Variants in GPKOW observed in about 807,000 individuals in gnomAD.
GPKOW encodes the protein G-patch domain and KOW motifs-containing protein.
For missense variants in GPKOW, 359 were observed against 404.7 expected, an observed-to-expected ratio of 0.89 and a Z score of 0.97; for synonymous variants, 167 against 159.1, an observed-to-expected ratio of 1.05 and a Z score of -0.37.
At chrX:49,121,608 AAGAC>A (rs1314351686) in intron 3 of GPKOW, among the ~76,000 whole-genome samples, 2 of 110,513 alleles carry the variant, frequency 1.8e-5, no homozygotes, top group African/African-American at 6.6e-5. Flanking sequence ...GTGGGTATGA[AAGAC>A]AGACTTGGTT....
rs1557091444 is a variant in GPKOW, at chrX:49,123,607, G to A, written c.116C>T (p.Ala39Val). Residue 39 changes from alanine to valine, a missense_variant, in exon 1 of 11, where the codon GCG (alanine) becomes GTG (valine). Physicochemically the swap from Ala to Val is moderately conservative, Grantham distance 64. Coordinates refer to ENST00000156109, the MANE Select transcript of GPKOW (RefSeq NM_015698.6). ...ATCCTTCTCCTCCGGAGATGGCCCC[G>A]CGCCGTCTCCCGAGTCGGCCAGCCG... The part of the protein sequence containing the change: ...RRRLADSGDG[A>V]GPSPEEKDFL... The A allele has an allele frequency of 2.5e-6, 3 of 1,207,806 alleles. No individual in the cohort carries two copies. The highest frequency in any genetic ancestry group is 4.4e-5 in the Admixed American group (2 of 45,666).
At position 49,117,260 on chromosome X, in the gene GPKOW, CCT is replaced by C. The variant is rs1302352278; in HGVS notation, c.781-100_781-99del. 4 of 887,300 alleles carry C rather than the reference CCT, an allele frequency of 4.5e-6. No individual in the cohort carries two copies. The African/African-American group carries it at 5.9e-5, about 13-fold the overall frequency. 73.1% of individuals were successfully genotyped at this position (887,300 alleles called of 1,213,427 possible). A position where few individuals can be genotyped will look rare whatever the true frequency, so the allele number is the denominator to read the frequency against. On this transcript the variant is annotated intron_variant, in intron 5 of 10. Coordinates refer to ENST00000156109, the MANE Select transcript of GPKOW (RefSeq NM_015698.6). Reference sequence around the variant, plus strand: ...CCCCTTACCTCTAAGAGGCCTGCTTCCTCTGTCTCCCCAACCAGACTCTGACC... The same window carrying C: ...CCCCTTACCTCTAAGAGGCCTGCTTCCTGTCTCCCCAACCAGACTCTGACC...
intron 9 of GPKOW, among the ~76,000 whole-genome samples, 199 bp from the exon 10 acceptor site, chrX:49,114,137 A>G (rs1397113807): frequency 9.1e-6 from 1 of 109,990 alleles, no homozygotes; most frequent in African/African-American, 3.3e-5. Flanking sequence ...ATCTCTACAG[A>G]TTTTTTTGTT....
rs1363439724 is a variant in GPKOW, at chrX:49,116,778, T to C, written c.913+252A>G. On this transcript the variant is annotated intron_variant, in intron 6 of 10. Transcript: ENST00000156109. ...TGGACAAAGATCTCGAAGGTAGGAA[T>C]TGGTTTCTGCACCTGTTTCTTCTCA... Among the ~76,000 whole-genome samples the C allele has an allele frequency of 1.9e-4, 21 of 111,941 alleles. No individual in the cohort carries two copies. The Admixed American group carries it at 2.0e-3, about 11-fold the overall frequency.
intron 5 of GPKOW, 55 bp downstream of exon 5, chrX:49,117,542 G>T: frequency 1.1e-6 from 1 of 892,289 alleles, no homozygotes; most frequent in Non-Finnish European, 1.6e-6. Context: ...TCTGACCCTC[G>T]GATCAACCTT....
intron 9 of GPKOW, among the ~76,000 whole-genome samples, chrX:49,114,709 G>A (rs1569524412): frequency 1.9e-5 from 2 of 104,382 alleles, no homozygotes; most frequent in African/African-American, 3.5e-5. Flanking sequence ...GGAGGATCAC[G>A]AGGTAAGGGG....
intron 4 of GPKOW, among the ~76,000 whole-genome samples, chrX:49,118,888 GTCTACGCTTTC>G (rs1361747769): frequency 9.2e-6 from 1 of 108,550 alleles, no homozygotes; most frequent in Non-Finnish European, 1.9e-5. Context: ...CAAATGTTTA[GTCTACGCTTTC>G]TTGGGGTCAG....
At chrX:49,121,594 G>A (rs781887276) in intron 3 of GPKOW, among the ~76,000 whole-genome samples, 278 of 110,574 alleles carry the variant, frequency 2.5e-3, no homozygotes, top group Non-Finnish European at 4.1e-3. Context: ...GAAAAGTCAG[G>A]TCTGTGGGTA....
chrX:49,123,705 C>T lies in GPKOW; in HGVS notation c.18G>A (p.Glu6=). 8.3e-7 allele frequency: 1 copy of T among 1,203,414 alleles called. No individual in the cohort carries two copies. The highest frequency in any genetic ancestry group is 1.1e-6 in the Non-Finnish European group (1 of 891,332). Residue 6 remains glutamate, a synonymous_variant, in exon 1 of 11, where the codon GAG becomes GAA. Transcript: ENST00000156109. MADSK[E]GVLPLTAAST... Reference sequence around the variant, plus strand: ...AAGCAGCCGTCAGCGGCAAAACACCCTCTTTGGAGTCAGCCATCTTGCTCC... The same window carrying T: ...AAGCAGCCGTCAGCGGCAAAACACCTTCTTTGGAGTCAGCCATCTTGCTCC...
Position 49,122,662 on chromosome X carries a change from C to T in GPKOW, c.291G>A (p.Ala97=), listed in dbSNP as rs142314456. ...TCACAGCCTGGGACACCACCCCATC[C>T]GCCAAGGCCCCAGTATCTGTGGATG... is the stretch of plus-strand genomic sequence containing the variant. ...PGPSTDTGAL[A]DGVVSQAVKE... Residue 97 remains alanine (A), a synonymous_variant, in exon 2 of 11, where the codon GCG becomes GCA. Transcript: ENST00000156109. 3.6e-4 allele frequency: 432 copies of T among 1,210,127 alleles called. No homozygotes were observed. Among genetic ancestry groups the T allele is most frequent in the Non-Finnish European group, 4.5e-4 (405 of 894,705 alleles).
chrX:49,113,469 C>T lies in GPKOW; in HGVS notation c.*152G>A. 1 of 512,257 alleles carries T rather than the reference C, an allele frequency of 2.0e-6. No individual in the cohort carries two copies. The highest frequency in any genetic ancestry group is 3.7e-5 in the Admixed American group (1 of 27,381). 42.2% of individuals were successfully genotyped at this position (512,257 alleles called of 1,213,427 possible). A position where few individuals can be genotyped will look rare whatever the true frequency, so the allele number is the denominator to read the frequency against. ...AAATATTGGGTTTGTTTCTAGCTTC[C>T]CTACTGGTTCACCCATCCCTTTCCC... On this transcript the variant is annotated 3_prime_UTR_variant, in exon 11 of 11. Coordinates refer to ENST00000156109, the MANE Select transcript of GPKOW (RefSeq NM_015698.6).
Position 49,115,737 on chromosome X carries a change from C to T in GPKOW, c.1199G>A (p.Arg400Gln), listed in dbSNP as rs1464106383. 1.3e-5 allele frequency: 16 copies of T among 1,203,883 alleles called. No individual in the cohort carries two copies. Among genetic ancestry groups the T allele is most frequent in the African/African-American group, 1.2e-4 (7 of 56,948 alleles). The change falls in exon 9 of 11, where the codon CGA (arginine) becomes CAA (glutamine). Residue 400 changes from arginine (R) to glutamine (Q), a missense_variant. Arg to Gln is a conservative substitution (Grantham distance 43). Coordinates refer to ENST00000156109, the MANE Select transcript of GPKOW (RefSeq NM_015698.6). The part of the protein sequence containing the change: ...DTCVCRTDEG[R>Q]VLEGLREDML... ...TCGCTCAAACTCACCTTCCAGGACT[C>T]GGCCTTCATCTGTCCGACATACACA...
At chrX:49,119,178 C>T (rs1425568625) in intron 4 of GPKOW, among the ~76,000 whole-genome samples, 4 of 109,350 alleles carry the variant, frequency 3.7e-5, no homozygotes, top group African/African-American at 6.7e-5. Flanking sequence ...AGGATGGTCT[C>T]GATCTCCTGA....
chrX:49,120,721 T>C (rs1456487489), intron 3 of GPKOW, among the ~76,000 whole-genome samples: 4 of 109,881 alleles, frequency 3.6e-5, no homozygotes, highest in South Asian at 3.9e-4. Context: ...TGGAGTGCAG[T>C]TGCATGATCT....
chrX:49,114,618 G>GA (rs1265726071), intron 9 of GPKOW, among the ~76,000 whole-genome samples: 42 of 52,706 alleles, frequency 8.0e-4, no homozygotes, highest in South Asian at 1.2e-3. Context: ...AAAAAAAAAA[G>GA]AAAAAAAAAA....
chrX:49,122,300 AGC>A, intron 3 of GPKOW, 96 bp downstream of exon 3: 1 of 752,478 alleles, frequency 1.3e-6, no homozygotes, highest in East Asian at 3.7e-5. Context: ...GCGGGCCTCT[AGC>A]ACACACACAG....
At chrX:49,118,916 C>T (rs1227381172) in intron 4 of GPKOW, among the ~76,000 whole-genome samples, 1 of 104,895 alleles carries the variant, frequency 9.5e-6, no homozygotes, top group Admixed American at 1.1e-4. Flanking sequence ...TCAGGGCCTA[C>T]TGTATGTGCT....
chrX:49,118,276 C>T (rs2065201060), intron 4 of GPKOW, among the ~76,000 whole-genome samples: 1 of 111,304 alleles, frequency 9.0e-6, no homozygotes, highest in Non-Finnish European at 1.9e-5. Context: ...CTGTTTTTGA[C>T]CTACAGAAAC....
intron 1 of GPKOW, among the ~76,000 whole-genome samples, chrX:49,123,335 G>C: frequency 8.9e-6 from 1 of 111,769 alleles, no homozygotes; most frequent in East Asian, 2.8e-4. Context: ...CTTCTTCTCA[G>C]TAATACATCC....
Sources: allele counts gnomAD v4.1 joint callset (sites outside exome capture counted in the v4.1 genomes callset), GRCh38; gene constraint gnomAD v4.1.1; transcripts MANE v1.5; gene names NCBI Gene and HGNC (gene_info 2026-07-23, HGNC 2026-07-21).